Variants in LINGO2 observed in about 807,000 individuals in gnomAD.
The protein encoded by LINGO2 is leucine rich repeat and Ig domain containing 2.
In LINGO2, 14 loss-of-function variants were observed where a neutral mutation model predicts 30.6. That is an observed-to-expected ratio of 0.46 (90% CI 0.30 to 0.72). LINGO2 has a LOEUF of 0.72. Among genes scored for constraint, LINGO2 ranks in the 30% least tolerant of loss-of-function variants. The probability of loss-of-function intolerance (pLI) is 0.07; values close to 1 mark genes in which losing one functional copy is unlikely to be tolerated. For synonymous variants in LINGO2, 317 were observed against 288.5 expected, an observed-to-expected ratio of 1.10 and a Z score of -1.00; for missense variants, 729 against 751.7, an observed-to-expected ratio of 0.97 and a Z score of 0.35.
the LINGO2 span, among the ~76,000 whole-genome samples, chr9:29,024,854 C>T: frequency 8.5e-5 from 13 of 152,162 alleles, no homozygotes; most frequent in African/African-American, 2.2e-4. Context: ...ATCTGGAATA[C>T]GTCAGTTCAA....
intron 1 of LINGO2, among the ~76,000 whole-genome samples, chr9:28,578,087 C>A (rs1231479600): frequency 6.6e-6 from 1 of 152,120 alleles, no homozygotes; most frequent in Non-Finnish European, 1.5e-5. Context: ...GGTGCTGAAA[C>A]TTTGATGTAG....
chr9:28,383,351 A>T (rs760293686), intron 2 of LINGO2, among the ~76,000 whole-genome samples: 2 of 151,096 alleles, frequency 1.3e-5, no homozygotes, highest in South Asian at 4.2e-4. Context: ...CTCTATCTGG[A>T]ATACTTTCTC....
chr9:27,943,903 AGG>A (rs1823266947), downstream of LINGO2: 1 of 152,152 alleles, frequency 6.6e-6, no homozygotes, highest in Non-Finnish European at 1.5e-5. Context: ...TCCAGGGAGA[AGG>A]GGATCAGGGA....
At chr9:28,596,387 TAA>T (rs1341773494) in intron 1 of LINGO2, among the ~76,000 whole-genome samples, 5 of 152,170 alleles carry the variant, frequency 3.3e-5, no homozygotes, top group African/African-American at 1.2e-4. Flanking sequence ...GTAAATAAAA[TAA>T]GTGTTCACTT....
At chr9:28,962,520 G>C in the LINGO2 span, among the ~76,000 whole-genome samples, 5 of 151,724 alleles carry the variant, frequency 3.3e-5, no homozygotes, top group Non-Finnish European at 7.4e-5. Context: ...AGTCATTCAG[G>C]CCACTCCTTT....
At chr9:28,445,419 A>G (rs1278191785) in intron 2 of LINGO2, among the ~76,000 whole-genome samples, 1 of 152,194 alleles carries the variant, frequency 6.6e-6, no homozygotes, top group African/African-American at 2.4e-5. Context: ...ATAATCTGAC[A>G]TGTCTTGATT....
chr9:28,386,519 T>C (rs1306244639), intron 2 of LINGO2, among the ~76,000 whole-genome samples: 1 of 152,222 alleles, frequency 6.6e-6, no homozygotes, highest in Non-Finnish European at 1.5e-5. Flanking sequence ...ATGTTCATTA[T>C]TCTGTATCAT....
intron 3 of LINGO2, among the ~76,000 whole-genome samples, chr9:28,351,258 C>A: frequency 7.0e-6 from 1 of 143,492 alleles, no homozygotes; most frequent in Non-Finnish European, 1.5e-5. Flanking sequence ...GCTAGCAAGA[C>A]TAATAAAGAA....
intron 1 of LINGO2, among the ~76,000 whole-genome samples, chr9:28,587,088 G>A (rs188785618): frequency 2.8e-4 from 43 of 152,052 alleles, no homozygotes; most frequent in Non-Finnish European, 6.0e-4. Context: ...AAGAGAAAAG[G>A]AGCTTCATAT....
chr9:28,879,709 CTAAG>C, the LINGO2 span, among the ~76,000 whole-genome samples: 2 of 152,180 alleles, frequency 1.3e-5, no homozygotes, highest in African/African-American at 2.4e-5. Flanking sequence ...AGCTAACATG[CTAAG>C]TATGTGTAGA....
intron 4 of LINGO2, among the ~76,000 whole-genome samples, chr9:28,184,004 A>G (rs769700674): frequency 3.3e-5 from 5 of 152,184 alleles, no homozygotes; most frequent in Non-Finnish European, 7.4e-5. Flanking sequence ...CTTCTCAACA[A>G]ACTTTCTAGG....
the LINGO2 span, among the ~76,000 whole-genome samples, chr9:29,106,543 C>G: frequency 6.6e-6 from 1 of 152,038 alleles, no homozygotes; most frequent in Non-Finnish European, 1.5e-5. Context: ...TTATTTCATT[C>G]TACCCTTGAT....
intron 4 of LINGO2, among the ~76,000 whole-genome samples, chr9:28,068,996 A>G (rs775967620): frequency 6.6e-6 from 1 of 152,148 alleles, no homozygotes; most frequent in Non-Finnish European, 1.5e-5. Context: ...GAAACATGCA[A>G]TTTGGAAGAA....
chr9:28,427,573 T>C (rs1823464633), intron 2 of LINGO2, among the ~76,000 whole-genome samples: 1 of 152,174 alleles, frequency 6.6e-6, no homozygotes, highest in Non-Finnish European at 1.5e-5. Context: ...ATGATACAGA[T>C]GGATTTTTCA....
At chr9:29,131,526 G>C in the LINGO2 span, among the ~76,000 whole-genome samples, 1 of 151,922 alleles carries the variant, frequency 6.6e-6, no homozygotes, top group African/African-American at 2.4e-5. Context: ...ACAATGACAG[G>C]ACAAGCAGTA....
At chr9:28,382,359 T>C (rs1319464252) in intron 2 of LINGO2, among the ~76,000 whole-genome samples, 2 of 152,258 alleles carry the variant, frequency 1.3e-5, no homozygotes, top group South Asian at 2.1e-4. Flanking sequence ...GAAAAACTCA[T>C]TAGATACGTC....
At chr9:27,988,465 A>G (rs1821233310) in intron 5 of LINGO2, among the ~76,000 whole-genome samples, 2 of 152,058 alleles carry the variant, frequency 1.3e-5, no homozygotes, top group Admixed American at 6.6e-5. Context: ...CAGTCCCACC[A>G]ACAGTGTAAA....
At chr9:28,243,357 G>A (rs1821873221) in intron 4 of LINGO2, among the ~76,000 whole-genome samples, 1 of 151,892 alleles carries the variant, frequency 6.6e-6, no homozygotes, top group South Asian at 2.1e-4. Flanking sequence ...CTACTCAGGA[G>A]GCTGAGGCAG....
At chr9:28,188,896 G>C (rs1587174487) in intron 4 of LINGO2, among the ~76,000 whole-genome samples, 1 of 152,158 alleles carries the variant, frequency 6.6e-6, no homozygotes, top group Non-Finnish European at 1.5e-5. Context: ...AACTGATTTT[G>C]TGAACATAAT....
Sources: gnomAD v4.1 joint callset for allele counts (sites outside exome capture counted in the v4.1 genomes callset) on GRCh38, gnomAD v4.1.1 for gene constraint, MANE v1.5 for transcripts, NCBI Gene and HGNC (gene_info 2026-07-23, HGNC 2026-07-21) for gene names.